Variants in MAGI2 observed in about 807,000 individuals in gnomAD.
MAGI2 encodes the protein membrane-associated guanylate kinase, WW and PDZ domain-containing protein 2.
A neutral mutation model predicts 133.3 loss-of-function variants in MAGI2; 35 were observed. That is an observed-to-expected ratio of 0.26 (90% CI 0.20 to 0.35). MAGI2 has a LOEUF of 0.35. Ranked by LOEUF, MAGI2 falls within the 10% of genes least tolerant of loss-of-function variation. MAGI2 has a pLI of 1.00. For missense variants in MAGI2, 1,636 were observed against 1,863.4 expected (o/e 0.88, Z 2.25); for synonymous variants, 729 against 710.6 (o/e 1.03, Z -0.41).
intron 2 of MAGI2, among the ~76,000 whole-genome samples, chr7:78,716,794 GACCCACT>G (rs1243917616): frequency 6.6e-6 from 1 of 152,152 alleles, no homozygotes; most frequent in Non-Finnish European, 1.5e-5. Context: ...GAGGATGTAA[GACCCACT>G]GGAAGTTCAG....
intron 1 of MAGI2, among the ~76,000 whole-genome samples, chr7:79,025,859 T>C (rs1048419311): frequency 6.6e-6 from 1 of 152,218 alleles, no homozygotes; most frequent in Non-Finnish European, 1.5e-5. Context: ...AAGCTATTTA[T>C]TCCTGTTGCC....
At chr7:79,274,860 A>G (rs1835124709) in intron 1 of MAGI2, among the ~76,000 whole-genome samples, 1 of 152,108 alleles carries the variant, frequency 6.6e-6, no homozygotes. Context: ...TGTTATTGTG[A>G]TCTGTGATCA....
Position 78,574,078 on chromosome 7 carries a change from G to A in MAGI2, c.539-52433C>T, listed in dbSNP as rs1802018970. Among the ~76,000 whole-genome samples the A allele has an allele frequency of 2.0e-5, 3 of 152,288 alleles. No homozygotes were observed. The South Asian group carries it at 6.2e-4, about 32-fold the overall frequency. ...TTGGCTAGATTGAGTAAGAAAAAGG[G>A]TAGTTGGTTGGATATATATGGTGGA... On this transcript the variant is annotated intron_variant, in intron 3 of 21. Transcript: ENST00000354212.
chr7:78,758,506 A>G (rs138668517), intron 2 of MAGI2, among the ~76,000 whole-genome samples: 250 of 152,268 alleles, frequency 1.6e-3, no homozygotes, highest in Non-Finnish European at 2.9e-3. Flanking sequence ...ATGTGTTTGC[A>G]TGTGTTTAGA....
At position 78,635,038 on chromosome 7, in the gene MAGI2, A is replaced by G. The variant is rs1407761394; in HGVS notation, c.419-7799T>C. On this transcript the variant is annotated intron_variant, in intron 2 of 21. Transcript: ENST00000354212. ...CTTTTAGTAATTAATTTCTTAAACA[A>G]CAGCTTATTTATTAATTGCTAAATT... Among the ~76,000 whole-genome samples, 6 of 152,224 alleles carry G rather than the reference A, an allele frequency of 3.9e-5. No individual in the cohort carries two copies. The East Asian group carries it at 1.2e-3, about 29-fold the overall frequency.
intron 4 of MAGI2, among the ~76,000 whole-genome samples, chr7:78,520,578 A>C (rs1796410214): frequency 6.6e-6 from 1 of 152,296 alleles, no homozygotes; most frequent in East Asian, 1.9e-4. Flanking sequence ...TACCATTAAA[A>C]AATAAATAAT....
chr7:78,992,475 T>C (rs1805886300), intron 2 of MAGI2, among the ~76,000 whole-genome samples: 1 of 152,050 alleles, frequency 6.6e-6, no homozygotes. Flanking sequence ...CTGACCATTT[T>C]TTTTTGCATT....
chr7:78,574,200 C>A (rs568878834), intron 3 of MAGI2, among the ~76,000 whole-genome samples: 1 of 152,122 alleles, frequency 6.6e-6, no homozygotes, highest in African/African-American at 2.4e-5. Flanking sequence ...CTCCAGTTTC[C>A]GTGACTTTCC....
At chr7:78,307,440 T>C (rs1454227960) in intron 9 of MAGI2, among the ~76,000 whole-genome samples, 1 of 152,220 alleles carries the variant, frequency 6.6e-6, no homozygotes, top group Non-Finnish European at 1.5e-5. Context: ...GGCTTAATTA[T>C]ATAGATTGCC....
At chr7:78,281,436 T>A (rs1322773035) in intron 9 of MAGI2, among the ~76,000 whole-genome samples, 1 of 151,714 alleles carries the variant, frequency 6.6e-6, no homozygotes, top group Non-Finnish European at 1.5e-5. Context: ...TCTTCCCCGC[T>A]TCACTGAGCA....
At chr7:78,369,084 C>T (rs1432208820) in intron 7 of MAGI2, 72 bp downstream of exon 7, 15 of 1,118,534 alleles carry the variant, frequency 1.3e-5, no homozygotes, top group Non-Finnish European at 1.6e-5. Context: ...GCCACACATG[C>T]TCAATAAATA....
intron 2 of MAGI2, among the ~76,000 whole-genome samples, chr7:78,998,401 T>C (rs1806523265): frequency 6.6e-6 from 1 of 151,816 alleles, no homozygotes; most frequent in South Asian, 2.1e-4. Context: ...GCCATTAGAG[T>C]TCATTTTACT....
chr7:78,387,011 G>C (rs182466201), intron 6 of MAGI2, among the ~76,000 whole-genome samples: 7 of 152,288 alleles, frequency 4.6e-5, no homozygotes, highest in African/African-American at 1.7e-4. Flanking sequence ...TTCTGAGTTT[G>C]CATTTTCAGA....
At chr7:78,250,525 A>C (rs1267423868) in intron 10 of MAGI2, among the ~76,000 whole-genome samples, 1 of 152,100 alleles carries the variant, frequency 6.6e-6, no homozygotes, top group Non-Finnish European at 1.5e-5. Context: ...CTGGAGAGAA[A>C]AAACTATTAA....
chr7:79,103,570 C>T (rs187901944), intron 1 of MAGI2, among the ~76,000 whole-genome samples: 1 of 152,178 alleles, frequency 6.6e-6, no homozygotes, highest in East Asian at 1.9e-4. Context: ...AACAGGCAAA[C>T]TTAGTTCTTA....
At chr7:79,348,641 A>G (rs568324692) in intron 1 of MAGI2, among the ~76,000 whole-genome samples, 91 of 151,974 alleles carry the variant, frequency 6.0e-4, no homozygotes, top group African/African-American at 2.1e-3. Context: ...GTTTCTACAA[A>G]TCAAAAAGAC....
chr7:79,076,034 A>G (rs968161797), intron 1 of MAGI2, among the ~76,000 whole-genome samples: 5 of 152,222 alleles, frequency 3.3e-5, no homozygotes, highest in Non-Finnish European at 7.3e-5. Flanking sequence ...ATTTAGCTCC[A>G]TGGTTTTTAT....
chr7:78,665,527 G>A (rs112125373), intron 2 of MAGI2, among the ~76,000 whole-genome samples: 1 of 152,068 alleles, frequency 6.6e-6, no homozygotes, highest in East Asian at 1.9e-4. Flanking sequence ...GTGGTCCAAG[G>A]CTTTAATTTC....
chr7:78,867,169 AC>A (rs1351400281), intron 2 of MAGI2, among the ~76,000 whole-genome samples: 1 of 150,888 alleles, frequency 6.6e-6, no homozygotes, highest in African/African-American at 2.4e-5. Flanking sequence ...ATACCATTTG[AC>A]CCAGCCATCA....
Sources: gnomAD v4.1 joint callset for allele counts (sites outside exome capture counted in the v4.1 genomes callset) on GRCh38, gnomAD v4.1.1 for gene constraint, MANE v1.5 for transcripts, NCBI Gene and HGNC (gene_info 2026-07-23, HGNC 2026-07-21) for gene names.